Variants in DLG1 observed in about 807,000 individuals in gnomAD.
The protein encoded by DLG1 is disks large homolog 1.
DLG1 carries 42 observed loss-of-function variants against 123.4 expected under a neutral mutation model. The observed-to-expected ratio is 0.34, with a 90% CI of 0.27 to 0.44. The LOEUF (loss-of-function observed/expected upper bound fraction) is 0.44. Ranked by LOEUF, DLG1 falls within the 20% of genes least tolerant of loss-of-function variation. DLG1 has a pLI of 1.00. For missense variants in DLG1, 942 were observed against 1,082.6 expected (o/e 0.87, Z 1.82); for synonymous variants, 317 against 356.2 (o/e 0.89, Z 1.24).
chr3:197,167,581 C>T (rs1802065727), intron 5 of DLG1, among the ~76,000 whole-genome samples: 1 of 152,102 alleles, frequency 6.6e-6, no homozygotes, highest in Non-Finnish European at 1.5e-5. Context: ...ATCAGACAAA[C>T]CCAAATTGAG....
chr3:197,080,580 GC>G (rs1750510272), intron 17 of DLG1: 1 of 151,160 alleles, frequency 6.6e-6, no homozygotes. Flanking sequence ...TTGTGCCTCA[GC>G]CTCCCGAGTA....
In DLG1 at chr3:197,245,899, T is replaced by G. The variant is rs866364252; in HGVS notation, c.318+36780A>C. 4.8e-3 allele frequency among the ~76,000 whole-genome samples: 452 copies of G among 93,460 alleles called. 1 individual carries two copies. Among genetic ancestry groups the G allele is most frequent in the South Asian group, 0.016 (31 of 1,910 alleles). The allele number at this position is 93,460 out of a possible 152,430, so 61.3% of individuals were successfully genotyped here. A position where few individuals can be genotyped will look rare whatever the true frequency, so the allele number is the denominator to read the frequency against. ...GGACATGGACAATACTTTTTTTTTT[T>G]TGGGGGGGGGGGAGGTGGCAAATGA... On this transcript the variant is annotated intron_variant, in intron 4 of 24. Transcript: ENST00000667157.
chr3:197,140,393 TATAAAGATTCTAA>T, intron 7 of DLG1, 129 bp from the exon 8 acceptor site: 1 of 863,708 alleles, frequency 1.2e-6, no homozygotes. Context: ...GGGTGAGTAA[TATAAAGATTCTAA>T]ATTAAATGGA....
At chr3:197,112,892 A>G (rs1367153313) in intron 13 of DLG1, among the ~76,000 whole-genome samples, 2 of 152,066 alleles carry the variant, frequency 1.3e-5, no homozygotes, top group Non-Finnish European at 2.9e-5. Flanking sequence ...CACGTCACCC[A>G]GCGTATTTGG....
At chr3:197,083,615 C>T (rs1752455695) in intron 16 of DLG1, among the ~76,000 whole-genome samples, 1 of 152,146 alleles carries the variant, frequency 6.6e-6, no homozygotes, top group African/African-American at 2.4e-5. Context: ...GAGGGCCTGT[C>T]CTTAACTACT....
intron 11 of DLG1, among the ~76,000 whole-genome samples, chr3:197,129,104 GA>G (rs1342809855): frequency 6.6e-6 from 1 of 152,202 alleles, no homozygotes; most frequent in Non-Finnish European, 1.5e-5. Context: ...TTGAAGCTTT[GA>G]AGTCAGGCAC....
chr3:197,183,984 C>T (rs1027142685), intron 5 of DLG1: 40 of 1,418,684 alleles, frequency 2.8e-5, no homozygotes, highest in Non-Finnish European at 3.6e-5. Context: ...TATGAAAGAG[C>T]TCGTATCTTC....
intron 18 of DLG1, 34 bp from the exon 19 acceptor site, chr3:197,069,294 A>C (rs1269751338): frequency 3.4e-6 from 5 of 1,472,922 alleles, no homozygotes; most frequent in Middle Eastern, 1.8e-4. Flanking sequence ...AAAATAAAAC[A>C]GTGTCATGAG....
chr3:197,221,209 G>T (rs888821277), intron 4 of DLG1, among the ~76,000 whole-genome samples: 1 of 152,152 alleles, frequency 6.6e-6, no homozygotes, highest in Non-Finnish European at 1.5e-5. Flanking sequence ...GAACAAAGAA[G>T]TGAGAAGGAT....
chr3:197,183,458 C>A lies in DLG1; in HGVS notation c.483+10967G>T, dbSNP rs578044405. ...ACGGATGGACAGAAAACATACATTTCTACACATCCAAGGTTTCAAGGCTAT... is the reference window on the plus strand; with the variant it reads ...ACGGATGGACAGAAAACATACATTTATACACATCCAAGGTTTCAAGGCTAT... On this transcript the variant is annotated intron_variant, in intron 5 of 24. Coordinates refer to ENST00000667157, the MANE Select transcript of DLG1 (RefSeq NM_001366207.1). 1.2e-5 allele frequency: 11 copies of A among 921,828 alleles called. No homozygotes were observed. The South Asian group carries it at 2.0e-4, about 16-fold the overall frequency. The allele number at this position is 921,828 out of a possible 1,614,324, so 57.1% of individuals were successfully genotyped here.
intron 6 of DLG1, among the ~76,000 whole-genome samples, chr3:197,143,535 C>T (rs928772021): frequency 2.6e-5 from 4 of 152,278 alleles, no homozygotes; most frequent in Admixed American, 6.5e-5. Context: ...GGATTACAGG[C>T]GTGAGCCACC....
chr3:197,125,632 A>G (rs929179522), intron 11 of DLG1, among the ~76,000 whole-genome samples: 4 of 152,216 alleles, frequency 2.6e-5, no homozygotes, highest in African/African-American at 4.8e-5. Context: ...AGAGGTGATG[A>G]AAGTTAATAA....
chr3:197,215,376 A>T (rs895503856), intron 4 of DLG1, among the ~76,000 whole-genome samples: 3 of 152,164 alleles, frequency 2.0e-5, no homozygotes, highest in South Asian at 2.1e-4. Flanking sequence ...TATCATACCA[A>T]AACAAAAATT....
Position 197,080,267 on chromosome 3 carries a change from C to CTTT in DLG1, c.1905+781_1905+783dup, listed in dbSNP as rs767056279. On this transcript the variant is annotated intron_variant, in intron 17 of 24. Transcript: ENST00000667157. Reference sequence around the variant, plus strand: ...TATGATGAAAGAATTGATATATTTCCTTTTTTTTTTTTTTTTTTTTTTTTT... The same window carrying CTTT: ...TATGATGAAAGAATTGATATATTTCCTTTTTTTTTTTTTTTTTTTTTTTTTTTT... 1.8e-3 allele frequency among the ~76,000 whole-genome samples: 91 copies of CTTT among 51,904 alleles called. 11 individuals are homozygous for CTTT. Among genetic ancestry groups the CTTT allele is most frequent in the African/African-American group, 6.8e-3 (81 of 11,984 alleles). The allele number at this position is 51,904 out of a possible 152,430, so 34.1% of individuals were successfully genotyped here.
In DLG1 at chr3:197,166,542, G is replaced by A. The variant is rs61405072; in HGVS notation, c.484-16746C>T. 2.0e-5 allele frequency among the ~76,000 whole-genome samples: 3 copies of A among 152,270 alleles called. No homozygotes were observed. The East Asian group carries it at 5.8e-4, about 29-fold the overall frequency. ...GATGCAGCTAACAGCTCAACAGCAC[G>A]AATACACCTGGCATCCAAATCTTGA... is the stretch of plus-strand genomic sequence containing the variant. On this transcript the variant is annotated intron_variant, in intron 5 of 24. Coordinates refer to ENST00000667157, the MANE Select transcript of DLG1 (RefSeq NM_001366207.1).
intron 9 of DLG1, among the ~76,000 whole-genome samples, chr3:197,137,691 C>A (rs1785716369): frequency 6.6e-6 from 1 of 152,024 alleles, no homozygotes; most frequent in South Asian, 2.1e-4. Flanking sequence ...AATTTTGGGC[C>A]AGGTGCAGTG....
chr3:197,110,751 T>C (rs1041656498), intron 13 of DLG1, among the ~76,000 whole-genome samples: 8 of 152,220 alleles, frequency 5.3e-5, no homozygotes, highest in Admixed American at 2.6e-4. Flanking sequence ...GTTAGCTTAG[T>C]GGTTAATGAC....
At chr3:197,081,026 A>C in intron 17 of DLG1, 25 bp downstream of exon 17, 1 of 1,599,872 alleles carries the variant, frequency 6.3e-7, no homozygotes, top group Non-Finnish European at 8.5e-7. Context: ...GGAATTACAA[A>C]AATGTAGAGA....
At chr3:197,121,067 G>C (rs565945534) in intron 11 of DLG1, among the ~76,000 whole-genome samples, 10 of 123,188 alleles carry the variant, frequency 8.1e-5, no homozygotes, top group African/African-American at 1.3e-4. Flanking sequence ...ATATTTAGAT[G>C]AAACAAAAAA....
Sources: allele counts gnomAD v4.1 joint callset (sites outside exome capture counted in the v4.1 genomes callset), GRCh38; gene constraint gnomAD v4.1.1; transcripts MANE v1.5; gene names NCBI Gene and HGNC (gene_info 2026-07-23, HGNC 2026-07-21).